Variants in PTPN23 observed in about 807,000 individuals in gnomAD.
PTPN23 encodes tyrosine-protein phosphatase non-receptor type 23.
In PTPN23, 72 loss-of-function variants were observed where a neutral mutation model predicts 156.3. That is an observed-to-expected ratio of 0.46 (90% CI 0.38 to 0.56). PTPN23 has a LOEUF of 0.56. Ranked by LOEUF, PTPN23 falls within the 20% of genes least tolerant of loss-of-function variation. The pLI, the probability that PTPN23 is intolerant of heterozygous loss-of-function variation, is 0.00. For missense variants in PTPN23, 1,974 were observed against 2,171.5 expected, an observed-to-expected ratio of 0.91 and a Z score of 1.81; for synonymous variants, 957 against 899.6, an observed-to-expected ratio of 1.06 and a Z score of -1.14.
At position 47,413,337 on chromosome 3, in the gene PTPN23, G is replaced by A. The variant is rs1705380839; in HGVS notation, c.*152G>A. ...GGCCCAGCCTGCACCCCTGTGGGGT[G>A]GAAATGTACTGCAGGCTCTGGGTCA... On this transcript the variant is annotated 3_prime_UTR_variant, in exon 25 of 25. Coordinates refer to ENST00000265562, the MANE Select transcript of PTPN23 (RefSeq NM_015466.4). 3 of 1,068,246 alleles carry A rather than the reference G, an allele frequency of 2.8e-6. No individual in the cohort carries two copies. The highest frequency in any genetic ancestry group is 4.0e-6 in the Non-Finnish European group (3 of 741,320). The allele number at this position is 1,068,246 out of a possible 1,614,324, so 66.2% of individuals were successfully genotyped here.
intron 1 of PTPN23, among the ~76,000 whole-genome samples, chr3:47,391,725 C>G (rs1244855302): frequency 6.6e-6 from 1 of 152,092 alleles, no homozygotes; most frequent in Non-Finnish European, 1.5e-5. Flanking sequence ...CCATCTGATT[C>G]CTTTGGCCTC....
At position 47,407,290 on chromosome 3, in the gene PTPN23, CCT is replaced by C. The variant is rs767820345; in HGVS notation, c.865-18_865-17del. The C allele has an allele frequency of 1.6e-4, 251 of 1,613,712 alleles. No homozygotes were observed. The highest frequency in any genetic ancestry group is 1.9e-4 in the Non-Finnish European group (221 of 1,179,864). On this transcript the variant is annotated splice_polypyrimidine_tract_variant and intron_variant, in intron 10 of 24. Coordinates refer to ENST00000265562, the MANE Select transcript of PTPN23 (RefSeq NM_015466.4). The surrounding 1 kb of genome is among the most constrained non-coding windows in gnomAD (Gnocchi z 4.0). The stretch of plus-strand genomic sequence containing the variant: ...CCTTGGTTAGTGCTAAGGCCCCACC[CCT>C]GTCCCTAACCCCACAGGGCCAGCCT...
rs1247159633 is a variant in PTPN23 at position 47,410,643 on chromosome 3, C to T, written c.2845C>T (p.Pro949Ser). 6.2e-7 allele frequency: 1 copy of T among 1,612,084 alleles called. No homozygotes were observed. The highest frequency in any genetic ancestry group is 2.2e-5 in the East Asian group (1 of 44,812). ...SSGIPAGFPA[P>S]RIGPQPQPHP... ...TGGGATCCCCGCAGGTTTTCCAGCC[C>T]CAAGGATTGGGCCCCAGCCCCAGCC... Residue 949 changes from proline to serine, a missense_variant, in exon 20 of 25, where the codon CCA (proline) becomes TCA (serine). Pro to Ser is a moderately conservative substitution (Grantham distance 74). Coordinates refer to ENST00000265562, the MANE Select transcript of PTPN23 (RefSeq NM_015466.4).
Position 47,382,680 on chromosome 3 carries a change from CTTTTTTTTTTT to C in PTPN23, c.84+1516_84+1526del, listed in dbSNP as rs71098482. On this transcript the variant is annotated intron_variant, in intron 1 of 24. Transcript: ENST00000265562. Reference sequence around the variant, plus strand: ...AGAACTCCTGTTTTCTTTTTCTTTTCTTTTTTTTTTTTTTTTTTTTTTTTTTGAGACGGAGT... The same window carrying C: ...AGAACTCCTGTTTTCTTTTTCTTTTCTTTTTTTTTTTTTTTGAGACGGAGT... 1.2e-4 allele frequency among the ~76,000 whole-genome samples: 7 copies of C among 58,660 alleles called. 1 individual carries two copies. In the East Asian group the frequency reaches 2.0e-3, roughly 16 times the overall value. 38.5% of individuals were successfully genotyped at this position (58,660 alleles called of 152,430 possible). A position where few individuals can be genotyped will look rare whatever the true frequency, so the allele number is the denominator to read the frequency against.
At position 47,411,193 on chromosome 3, in the gene PTPN23, A is replaced by T; in HGVS notation, c.3395A>T (p.Gln1132Leu). The change falls in exon 20 of 25, where the codon CAG (glutamine) becomes CTG (leucine). Residue 1132 changes from glutamine (Q) to leucine (L), a missense_variant. By Grantham distance (113) the Gln-to-Leu change is moderately radical. This residue lies in a region of PTPN23 where 731 missense variants were observed against 669.1 expected (regional missense o/e 1.09). Coordinates refer to ENST00000265562, the MANE Select transcript of PTPN23 (RefSeq NM_015466.4). The surrounding 1 kb of genome is among the most constrained non-coding windows in gnomAD (Gnocchi z 6.3). Reference protein sequence around the residue: ...SSPESQHGGTQSPGGGQPLLQ... With the variant: ...SSPESQHGGTLSPGGGQPLLQ... Reference sequence around the variant, plus strand: ...CCGGAGAGCCAGCATGGCGGCACTCAGTCTCCTGGGGGTGGGCAGCCCCTG... The same window carrying T: ...CCGGAGAGCCAGCATGGCGGCACTCTGTCTCCTGGGGGTGGGCAGCCCCTG... 1 of 1,603,932 alleles carries T rather than the reference A, an allele frequency of 6.2e-7. No homozygotes were observed. Among genetic ancestry groups the T allele is most frequent in the Non-Finnish European group, 8.5e-7 (1 of 1,177,716 alleles).
intron 14 of PTPN23, 29 bp from the exon 15 acceptor site, chr3:47,408,316 C>T (rs1406170681): frequency 6.2e-7 from 1 of 1,606,438 alleles, no homozygotes; most frequent in East Asian, 2.2e-5. Flanking sequence ...CAGCACCCAG[C>T]ACCCACCTGG....
rs766554078 is a variant in PTPN23 at position 47,407,461 on chromosome 3, C to T, written c.924-44C>T. 6.2e-7 allele frequency: 1 copy of T among 1,608,462 alleles called. No homozygotes were observed. Among genetic ancestry groups the T allele is most frequent in the South Asian group, 1.1e-5 (1 of 90,934 alleles). ...ATGGGAAGTAGGTTCTGGATCCCCA[C>T]TGACACCCCGTGACTGCCCACTCCC... On this transcript the variant is annotated intron_variant, in intron 11 of 24. Transcript: ENST00000265562. This position sits in a 1 kb window ranked among gnomAD's most constrained non-coding sequence, Gnocchi z 4.0.
Position 47,411,327 on chromosome 3 carries a change from G to A in PTPN23, c.3529G>A (p.Glu1177Lys), listed in dbSNP as rs775553662. 3 of 1,612,858 alleles carry A rather than the reference G, an allele frequency of 1.9e-6. No homozygotes were observed. Among genetic ancestry groups the A allele is most frequent in the Non-Finnish European group, 1.7e-6 (2 of 1,180,006 alleles). The stretch of plus-strand genomic sequence containing the variant: ...TGAGAGGCTGCGGCAGTTGCAGCAG[G>A]AGCTGGAGGCCTTTCGGGGTCAGCT... ...HPERLRQLQQ[E>K]LEAFRGQLGD... is the part of the protein sequence containing the mutation. The change falls in exon 20 of 25, where the codon GAG (glutamate) becomes AAG (lysine). Residue 1177 changes from glutamate (E) to lysine (K), a missense_variant. By Grantham distance (56) the Glu-to-Lys change is moderately conservative (BLOSUM62 1). This residue lies in a region of PTPN23 where 731 missense variants were observed against 669.1 expected (regional missense o/e 1.09). Coordinates refer to ENST00000265562, the MANE Select transcript of PTPN23 (RefSeq NM_015466.4). This position sits in a 1 kb window ranked among gnomAD's most constrained non-coding sequence, Gnocchi z 6.3.
In PTPN23 at chr3:47,406,916, G is replaced by A. The variant is rs1179947720; in HGVS notation, c.807+166G>A. On this transcript the variant is annotated intron_variant, in intron 9 of 24. Coordinates refer to ENST00000265562, the MANE Select transcript of PTPN23 (RefSeq NM_015466.4). This position sits in a 1 kb window ranked among gnomAD's most constrained non-coding sequence, Gnocchi z 5.8. ...GTGTTGTCCCATCTGTGCAGCCCTC[G>A]TCCCTCGGGGTCTGAGGAGGTGGGG... 6.6e-6 allele frequency among the ~76,000 whole-genome samples: 1 copy of A among 152,130 alleles called. No individual in the cohort carries two copies. Among genetic ancestry groups the A allele is most frequent in the African/African-American group, 2.4e-5 (1 of 41,416 alleles).
intron 1 of PTPN23, among the ~76,000 whole-genome samples, chr3:47,395,674 T>G (rs1165731086): frequency 6.6e-6 from 1 of 152,200 alleles, no homozygotes; most frequent in Non-Finnish European, 1.5e-5. Context: ...ATGCTGTCCT[T>G]TCCCAGGCCA....
At chr3:47,399,087 C>T (rs538781140) in intron 2 of PTPN23, among the ~76,000 whole-genome samples, 4 of 152,288 alleles carry the variant, frequency 2.6e-5, no homozygotes, top group African/African-American at 9.6e-5. Flanking sequence ...AGCTTACAGC[C>T]GTGGAGGGAG....
At chr3:47,394,943 T>G (rs1210195132) in intron 1 of PTPN23, among the ~76,000 whole-genome samples, 1 of 152,094 alleles carries the variant, frequency 6.6e-6, no homozygotes, top group Non-Finnish European at 1.5e-5. Context: ...GAAAAGAGCT[T>G]ATGGACACAG....
At chr3:47,396,272 G>T in intron 2 of PTPN23, 55 bp downstream of exon 2, 1 of 1,480,058 alleles carries the variant, frequency 6.8e-7, no homozygotes, top group East Asian at 2.3e-5. Context: ...GGTTTGATAG[G>T]GAGATAAAGA....
rs1476501052 is a variant in PTPN23 at position 47,410,225 on chromosome 3, G to A, written c.2427G>A (p.Gly809=). ...PTQLIQPRAP[G]PHAMPVAPGP... ...AGCTGATACAGCCCAGGGCCCCAGG[G>A]CCCCATGCAATGCCCGTAGCACCTG... Residue 809 remains glycine, a synonymous_variant, in exon 20 of 25, where the codon GGG becomes GGA. Transcript: ENST00000265562. 8 of 1,611,402 alleles carry A rather than the reference G, an allele frequency of 5.0e-6. No individual in the cohort carries two copies. The highest frequency in any genetic ancestry group is 6.8e-6 in the Non-Finnish European group (8 of 1,178,846).
chr3:47,396,342 AG>A (rs1559520899), intron 2 of PTPN23, 125 bp downstream of exon 2: 10 of 627,024 alleles, frequency 1.6e-5, no homozygotes, highest in Non-Finnish European at 2.4e-5. Flanking sequence ...TGGGAGGCCG[AG>A]GTGGGCAGAT....
At position 47,410,023 on chromosome 3, in the gene PTPN23, C is replaced by G. The variant is rs75208242; in HGVS notation, c.2225C>G (p.Pro742Arg). ...GAGGCAGTGGAAGCAGGAGACCCCCCTGAGGAGCTGCGCAGCCTCCCCCCT... is the reference window on the plus strand; with the variant it reads ...GAGGCAGTGGAAGCAGGAGACCCCCGTGAGGAGCTGCGCAGCCTCCCCCCT... ...ESEAVEAGDP[P>R]EELRSLPPDM... Residue 742 changes from proline to arginine, a missense_variant, in exon 20 of 25, where the codon CCT becomes CGT. This residue lies in a region of PTPN23 where 731 missense variants were observed against 669.1 expected (regional missense o/e 1.09). Transcript: ENST00000265562. 3 of 1,610,488 alleles carry G rather than the reference C, an allele frequency of 1.9e-6. No individual in the cohort carries two copies. Among genetic ancestry groups the G allele is most frequent in the Non-Finnish European group, 2.5e-6 (3 of 1,178,626 alleles).
chr3:47,399,730 C>T (rs1704953746), intron 2 of PTPN23, among the ~76,000 whole-genome samples: 2 of 152,216 alleles, frequency 1.3e-5, no homozygotes, highest in Non-Finnish European at 2.9e-5. Flanking sequence ...AAAAAGCTCA[C>T]ACATGGCCAT....
At chr3:47,403,254 G>A (rs1029610877) in intron 2 of PTPN23, among the ~76,000 whole-genome samples, 13 of 151,710 alleles carry the variant, frequency 8.6e-5, no homozygotes, top group African/African-American at 2.7e-4. Flanking sequence ...GGGTTTCACC[G>A]TGTTAGCCAG....
In PTPN23 at chr3:47,404,962, G is replaced by T. The variant is rs748431363; in HGVS notation, c.288-43G>T. 11 of 1,611,304 alleles carry T rather than the reference G, an allele frequency of 6.8e-6. No homozygotes were observed. The South Asian group carries it at 1.2e-4, about 18-fold the overall frequency. On this transcript the variant is annotated intron_variant, in intron 3 of 24. Coordinates refer to ENST00000265562, the MANE Select transcript of PTPN23 (RefSeq NM_015466.4). ...CCCCTTACCTAATCTCAGGGCCCTGGCTAGCTCCTGCCCTCGAGATAACTG... is the reference window on the plus strand; with the variant it reads ...CCCCTTACCTAATCTCAGGGCCCTGTCTAGCTCCTGCCCTCGAGATAACTG...
Sources: allele counts gnomAD v4.1 joint callset (sites outside exome capture counted in the v4.1 genomes callset), GRCh38; gene constraint gnomAD v4.1.1; regional missense constraint gnomAD v4.1.1; non-coding constraint Gnocchi (gnomAD v3.1); transcripts MANE v1.5; gene names NCBI Gene and HGNC (gene_info 2026-07-23, HGNC 2026-07-21).